The following URB1 variants were observed in gnomAD, a reference collection of about 807,000 sequenced individuals.
URB1 encodes the protein URB1 ribosome biogenesis factor.
A neutral mutation model predicts 242.3 loss-of-function variants in URB1; 197 were observed. The ratio of observed to expected loss-of-function variants is 0.81; its 90% CI spans 0.72 to 0.91. The LOEUF (loss-of-function observed/expected upper bound fraction) is 0.91, where lower values mean the gene tolerates loss of function less well. Ranked by LOEUF, URB1 falls within the 40% of genes least tolerant of loss-of-function variation. URB1 has a pLI of 0.00. For synonymous variants in URB1, 1,153 were observed against 1,201.8 expected, an observed-to-expected ratio of 0.96 and a Z score of 0.84; for missense variants, 2,721 against 2,860.5, an observed-to-expected ratio of 0.95 and a Z score of 1.11.
chr21:32,350,240 C>T (rs911417823), intron 20 of URB1, among the ~76,000 whole-genome samples: 5 of 152,134 alleles, frequency 3.3e-5, no homozygotes, highest in Non-Finnish European at 7.4e-5. Flanking sequence ...TTGAGACCAG[C>T]CTGACCAACA....
chr21:32,349,303 C>A lies in URB1; in HGVS notation c.3012+1G>T, dbSNP rs1176977996. 6.5e-7 allele frequency: 1 copy of A among 1,538,418 alleles called. No individual in the cohort carries two copies. The highest frequency in any genetic ancestry group is 8.8e-7 in the Non-Finnish European group (1 of 1,140,480). On this transcript the variant is annotated splice_donor_variant, in intron 21 of 38. Coordinates refer to ENST00000382751, the MANE Select transcript of URB1 (RefSeq NM_014825.3). LOFTEE classifies it high-confidence loss of function. ...GGCTACCAGGCAACCTGTGGCGGTACCTGATCATTGGCCAACTCCAGCGAG... is the reference window on the plus strand; with the variant it reads ...GGCTACCAGGCAACCTGTGGCGGTAACTGATCATTGGCCAACTCCAGCGAG...
At chr21:32,328,704 A>G (rs897688087) in intron 30 of URB1, among the ~76,000 whole-genome samples, 5 of 152,208 alleles carry the variant, frequency 3.3e-5, no homozygotes, top group Non-Finnish European at 5.9e-5. Context: ...CTGACATTCT[A>G]AGACAAATGG....
At position 32,378,516 on chromosome 21, in the gene URB1, T is replaced by G. The variant is rs1419762986; in HGVS notation, c.593A>C (p.Tyr198Ser). The G allele has an allele frequency of 6.4e-7, 1 of 1,551,582 alleles. No homozygotes were observed. Among genetic ancestry groups the G allele is most frequent in the Non-Finnish European group, 8.7e-7 (1 of 1,147,006 alleles). ...TAAAAAGGAGAGAGCAAACTGAACG[T>G]AGGCCTGCCGAACGTCGTACACTCC... ...SKGVYDVRQA[Y>S]VQFALSFLIA... The change falls in exon 5 of 39, where the codon TAC (tyrosine) becomes TCC (serine). Residue 198 changes from tyrosine (Y) to serine (S), a missense_variant. Coordinates refer to ENST00000382751, the MANE Select transcript of URB1 (RefSeq NM_014825.3).
In URB1 at chr21:32,349,316, C is replaced by T. The variant is rs374128635; in HGVS notation, c.3000G>A (p.Leu1000=). The change falls in exon 21 of 39, where the codon TTG becomes TTA. Residue 1000 remains leucine (L), a synonymous_variant. Transcript: ENST00000382751. ...LDMESVASLE[L]ANDQTLEEVL... Reference sequence around the variant, plus strand: ...CCTGTGGCGGTACCTGATCATTGGCCAACTCCAGCGAGGCCACGGACTCCA... The same window carrying T: ...CCTGTGGCGGTACCTGATCATTGGCTAACTCCAGCGAGGCCACGGACTCCA... The T allele has an allele frequency of 1.3e-6, 2 of 1,543,592 alleles. No homozygotes were observed. Among genetic ancestry groups the T allele is most frequent in the African/African-American group, 2.7e-5 (2 of 72,784 alleles).
intron 2 of URB1, 109 bp downstream of exon 2, chr21:32,385,436 T>C: frequency 7.0e-7 from 1 of 1,429,806 alleles, no homozygotes. Flanking sequence ...AAAGCATCAT[T>C]TTCTATAGAA....
rs2123532792 is a variant in URB1, at chr21:32,313,860, C to T, written c.*1058G>A. ...GCTACAACCCCAACTAATATATGAC[C>T]ATTAAGAGTAAAATTCTGACCTTTA... On this transcript the variant is annotated 3_prime_UTR_variant, in exon 39 of 39. Coordinates refer to ENST00000382751, the MANE Select transcript of URB1 (RefSeq NM_014825.3). 1 of 152,262 alleles carries T rather than the reference C, an allele frequency of 6.6e-6. No homozygotes were observed. Among genetic ancestry groups the T allele is most frequent in the Admixed American group, 6.5e-5 (1 of 15,294 alleles). The allele number at this position is 152,262 out of a possible 1,614,324, so 9.4% of individuals were successfully genotyped here.
intron 27 of URB1, 49 bp downstream of exon 27, chr21:32,337,355 G>A: frequency 6.7e-7 from 1 of 1,495,404 alleles, no homozygotes. Context: ...CACACCCCCG[G>A]CCCTCACTCC....
rs370235772 is a variant in URB1, at chr21:32,350,729, C to T, written c.2807G>A (p.Arg936Gln). The T allele has an allele frequency of 5.3e-5, 83 of 1,551,476 alleles. No individual in the cohort carries two copies. In the African/African-American group the frequency reaches 7.4e-4, roughly 14 times the overall value. Residue 936 changes from arginine to glutamine, a missense_variant, in exon 20 of 39, where the codon CGG becomes CAG. By Grantham distance (43) the Arg-to-Gln change is conservative (BLOSUM62 1). Coordinates refer to ENST00000382751, the MANE Select transcript of URB1 (RefSeq NM_014825.3). ...LAAKQVLLYLRSTVENFGQLG... is the reference protein window; with the variant it reads ...LAAKQVLLYLQSTVENFGQLG... The stretch of plus-strand genomic sequence containing the variant: ...CTGGCCGAAGTTCTCCACAGTGCTC[C>T]GCAGGTAGAGCAACACCTGCTTGGC...
intron 1 of URB1, among the ~76,000 whole-genome samples, chr21:32,388,467 G>A (rs182658974): frequency 6.6e-6 from 1 of 152,242 alleles, no homozygotes; most frequent in Non-Finnish European, 1.5e-5. Flanking sequence ...AACATTTTCC[G>A]CAGCAACCAC....
Position 32,368,600 on chromosome 21 carries a change from T to C in URB1, c.1002-2A>G. On this transcript the variant is annotated splice_acceptor_variant, in intron 8 of 38. Coordinates refer to ENST00000382751, the MANE Select transcript of URB1 (RefSeq NM_014825.3). LOFTEE classifies it high-confidence loss of function. The stretch of plus-strand genomic sequence containing the variant: ...TGCAAGAGTGTCAGGTTTCCGCCTC[T>C]GTTAGAGAAAGACACATGGGGAGAG... 6.5e-7 allele frequency: 1 copy of C among 1,548,470 alleles called. No homozygotes were observed. The highest frequency in any genetic ancestry group is 8.7e-7 in the Non-Finnish European group (1 of 1,145,836).
At chr21:32,342,990 G>A (rs1225018921) in intron 24 of URB1, among the ~76,000 whole-genome samples, 1 of 151,912 alleles carries the variant, frequency 6.6e-6, no homozygotes. Context: ...CGCAGTCATC[G>A]GGTGGGGAAA....
chr21:32,385,007 A>AAAAGAAAGAAAG (rs56918578), intron 2 of URB1, among the ~76,000 whole-genome samples: 164 of 151,030 alleles, frequency 1.1e-3, no homozygotes, highest in African/African-American at 3.8e-3. Flanking sequence ...AAAAGAAAAG[A>AAAAGAAAGAAAG]AAAGAAAGAA....
Position 32,345,383 on chromosome 21 carries a change from C to A in URB1, c.4061G>T (p.Ser1354Ile). ...RLPSLLHTPSSHKRWIVADSI... is the reference protein window; with the variant it reads ...RLPSLLHTPSIHKRWIVADSI... ...ACCTGAGCCTTCATACCTCTTGTGA[C>A]TGCTTGGGGTGTGAAGCAAGCTGGG... The change falls in exon 23 of 39, where the codon AGT (serine) becomes ATT (isoleucine). Residue 1354 changes from serine (S) to isoleucine (I), a missense_variant. By Grantham distance (142) the Ser-to-Ile change is moderately radical (BLOSUM62 -2). Coordinates refer to ENST00000382751, the MANE Select transcript of URB1 (RefSeq NM_014825.3). The A allele has an allele frequency of 6.4e-7, 1 of 1,551,158 alleles. No homozygotes were observed. The highest frequency in any genetic ancestry group is 8.7e-7 in the Non-Finnish European group (1 of 1,146,892).
intron 26 of URB1, among the ~76,000 whole-genome samples, chr21:32,337,813 G>A (rs918331585): frequency 1.6e-4 from 24 of 151,390 alleles, no homozygotes; most frequent in African/African-American, 3.6e-4. Flanking sequence ...ATGAGCCACC[G>A]CGCCCAGCCC....
intron 37 of URB1, 140 bp from the exon 38 acceptor site, chr21:32,317,205 C>A (rs189345967): frequency 1.7e-6 from 2 of 1,195,594 alleles, no homozygotes; most frequent in Non-Finnish European, 2.3e-6. Context: ...ACGTCAGGAG[C>A]CTGGTGAGTG....
intron 10 of URB1, among the ~76,000 whole-genome samples, 169 bp from the exon 11 acceptor site, chr21:32,363,498 G>C (rs1223544749): frequency 6.6e-6 from 1 of 152,206 alleles, no homozygotes; most frequent in African/African-American, 2.4e-5. Context: ...TCGCCCTCCT[G>C]ACATCCTCTG....
intron 24 of URB1, among the ~76,000 whole-genome samples, chr21:32,343,138 G>C (rs1050064113): frequency 1.3e-5 from 2 of 151,922 alleles, no homozygotes; most frequent in Admixed American, 1.3e-4. Context: ...GGTTTCTACA[G>C]GGAAATTCAC....
At chr21:32,356,899 A>G (rs1038530828) in intron 15 of URB1, among the ~76,000 whole-genome samples, 7 of 152,264 alleles carry the variant, frequency 4.6e-5, no homozygotes, top group African/African-American at 1.7e-4. Context: ...ATGGAGGTCA[A>G]GACTTAGACT....
rs1279935163 is a variant in URB1, at chr21:32,311,842, C to G, written c.*3076G>C. The G allele has an allele frequency of 1.2e-6, 2 of 1,614,144 alleles. No homozygotes were observed. Among genetic ancestry groups the G allele is most frequent in the African/African-American group, 1.3e-5 (1 of 75,050 alleles). ...GGGAGCAGAACTGGCCCTGACCAGC[C>G]GCTACGACAGGAGAGCTCCTCCACC... On this transcript the variant is annotated 3_prime_UTR_variant, in exon 39 of 39. Coordinates refer to ENST00000382751, the MANE Select transcript of URB1 (RefSeq NM_014825.3).
Sources: gnomAD v4.1 joint callset for allele counts (sites outside exome capture counted in the v4.1 genomes callset) on GRCh38, gnomAD v4.1.1 for gene constraint, MANE v1.5 for transcripts, NCBI Gene and HGNC (gene_info 2026-07-23, HGNC 2026-07-21) for gene names.